The following SCFD2 variants were observed in gnomAD, a reference collection of about 807,000 sequenced individuals.
SCFD2 encodes the protein sec1 family domain containing 2.
A neutral mutation model predicts 58.9 loss-of-function variants in SCFD2; 54 were observed. The ratio of observed to expected loss-of-function variants is 0.92; its 90% CI spans 0.74 to 1.15. SCFD2 has a LOEUF of 1.15. SCFD2 is among the 50% of genes most tolerant of loss of function. The probability of loss-of-function intolerance (pLI) is 0.00; values close to 1 mark genes in which losing one functional copy is unlikely to be tolerated. For missense variants in SCFD2, 805 were observed against 836.6 expected, an observed-to-expected ratio of 0.96 and a Z score of 0.47; for synonymous variants, 321 against 335.9, an observed-to-expected ratio of 0.96 and a Z score of 0.49.
intron 5 of SCFD2, among the ~76,000 whole-genome samples, chr4:52,969,909 A>C (rs997508760): frequency 1.1e-4 from 16 of 152,256 alleles, no homozygotes; most frequent in African/African-American, 3.9e-4. Context: ...CAACATGCAA[A>C]AATGAAAATC....
chr4:53,289,945 T>C (rs1560430224), intron 3 of SCFD2, among the ~76,000 whole-genome samples: 1 of 152,206 alleles, frequency 6.6e-6, no homozygotes, highest in African/African-American at 2.4e-5. Context: ...ATTATAAATA[T>C]ATACGCACCC....
chr4:53,044,948 G>C (rs1229687928), intron 5 of SCFD2, among the ~76,000 whole-genome samples: 2 of 138,912 alleles, frequency 1.4e-5, no homozygotes, highest in Non-Finnish European at 3.0e-5. Context: ...TGAGTCTGGG[G>C]TGAGCCGTGG....
chr4:53,253,884 T>A (rs1730496175), intron 4 of SCFD2, among the ~76,000 whole-genome samples: 2 of 139,606 alleles, frequency 1.4e-5, no homozygotes, highest in African/African-American at 2.7e-5. Flanking sequence ...AAACTTAAAG[T>A]ATAATTATAA....
intron 5 of SCFD2, among the ~76,000 whole-genome samples, chr4:53,012,771 C>T (rs1375455760): frequency 4.0e-5 from 6 of 150,966 alleles, no homozygotes; most frequent in Non-Finnish European, 8.8e-5. Flanking sequence ...ATTAATTTTG[C>T]TCAGATTCTT....
intron 5 of SCFD2, among the ~76,000 whole-genome samples, chr4:52,928,519 T>C (rs1325469725): frequency 6.6e-6 from 1 of 151,852 alleles, no homozygotes; most frequent in African/African-American, 2.4e-5. Flanking sequence ...ACTATCTAGG[T>C]GAGGTCACAA....
chr4:53,319,122 A>C (rs1168193702), intron 2 of SCFD2, among the ~76,000 whole-genome samples: 3 of 152,242 alleles, frequency 2.0e-5, no homozygotes, highest in Non-Finnish European at 4.4e-5. Context: ...TTTTCTTTTC[A>C]AATCCATAAT....
At chr4:53,283,860 G>A (rs1205568768) in intron 3 of SCFD2, among the ~76,000 whole-genome samples, 1 of 152,068 alleles carries the variant, frequency 6.6e-6, no homozygotes, top group Non-Finnish European at 1.5e-5. Context: ...TCTCACGCAT[G>A]TAATCCCAGC....
intron 5 of SCFD2, among the ~76,000 whole-genome samples, chr4:53,049,133 C>T (rs549661794): frequency 3.4e-4 from 51 of 152,200 alleles, no homozygotes; most frequent in African/African-American, 1.2e-3. Context: ...AGACTTCACA[C>T]GGTTAATTCC....
chr4:53,279,751 A>T (rs1180590189), intron 3 of SCFD2, among the ~76,000 whole-genome samples: 1 of 152,192 alleles, frequency 6.6e-6, no homozygotes, highest in African/African-American at 2.4e-5. Context: ...TGCATGACTG[A>T]GGAGGGCTCA....
At chr4:53,071,748 A>C (rs1723822800) in intron 5 of SCFD2, among the ~76,000 whole-genome samples, 1 of 152,102 alleles carries the variant, frequency 6.6e-6, no homozygotes, top group South Asian at 2.1e-4. Context: ...AAAATAAAAT[A>C]AAAAATCATT....
chr4:53,195,557 C>T (rs948298256), intron 4 of SCFD2, among the ~76,000 whole-genome samples: 7 of 152,122 alleles, frequency 4.6e-5, no homozygotes, highest in African/African-American at 1.7e-4. Context: ...TTTCACCATG[C>T]CACTTCTCAT....
intron 5 of SCFD2, among the ~76,000 whole-genome samples, chr4:52,983,500 T>C (rs1365557368): frequency 6.6e-6 from 1 of 152,240 alleles, no homozygotes; most frequent in Non-Finnish European, 1.5e-5. Flanking sequence ...AAGATCTAAA[T>C]TAAGCTGCTT....
Position 53,201,141 on chromosome 4 carries a change from A to T in SCFD2, c.1312-55559T>A, listed in dbSNP as rs1221596314. ...TGCACCCATTAATTCGTCATTTAGC[A>T]TTAGGTATAGCTCCTAATGCTATCC... is the stretch of plus-strand genomic sequence containing the variant. On this transcript the variant is annotated intron_variant, in intron 4 of 8. Coordinates refer to ENST00000401642, the MANE Select transcript of SCFD2 (RefSeq NM_152540.4). Among the ~76,000 whole-genome samples, 5 of 152,100 alleles carry T rather than the reference A, an allele frequency of 3.3e-5. No individual in the cohort carries two copies. In the South Asian group the frequency reaches 6.2e-4, roughly 19 times the overall value.
In SCFD2 at chr4:52,893,100, C is replaced by G. The variant is rs150612071; in HGVS notation, c.1843-7234G>C. ...GACTTGTACTCATTTAATCAACAAA[C>G]GTGAACACTGAGATATTTTCCTCTT... On this transcript the variant is annotated intron_variant, in intron 7 of 8. Transcript: ENST00000401642. 2.7e-3 allele frequency among the ~76,000 whole-genome samples: 411 copies of G among 152,280 alleles called. 2 individuals are homozygous for G. Among genetic ancestry groups the G allele is most frequent in the Middle Eastern group, 0.014 (4 of 294 alleles).
At chr4:53,364,068 T>G (rs1161375775) in intron 1 of SCFD2, among the ~76,000 whole-genome samples, 1 of 152,196 alleles carries the variant, frequency 6.6e-6, no homozygotes, top group East Asian at 1.9e-4. Flanking sequence ...GGTTTTATCT[T>G]TTAATCCCCT....
chr4:53,011,730 C>A (rs1560509301), intron 5 of SCFD2, among the ~76,000 whole-genome samples: 1 of 152,206 alleles, frequency 6.6e-6, no homozygotes, highest in Admixed American at 6.5e-5. Flanking sequence ...CTGGAAGACA[C>A]CTCACTGTGA....
At chr4:53,197,322 T>C (rs1355795480) in intron 4 of SCFD2, among the ~76,000 whole-genome samples, 1 of 152,166 alleles carries the variant, frequency 6.6e-6, no homozygotes, top group African/African-American at 2.4e-5. Flanking sequence ...ATCTGTTAGT[T>C]TCTTCTGGTT....
intron 4 of SCFD2, among the ~76,000 whole-genome samples, chr4:53,173,747 T>A (rs961779010): frequency 1.3e-5 from 2 of 152,174 alleles, no homozygotes; most frequent in African/African-American, 4.8e-5. Flanking sequence ...GTACTTCTTT[T>A]ATGCATTTTT....
At chr4:53,224,411 T>TAA (rs1337960575) in intron 4 of SCFD2, among the ~76,000 whole-genome samples, 2 of 151,142 alleles carry the variant, frequency 1.3e-5, no homozygotes, top group Non-Finnish European at 2.9e-5. Context: ...AAAAGAGTCT[T>TAA]ACATTTTCTG....
Sources: allele counts gnomAD v4.1 joint callset (sites outside exome capture counted in the v4.1 genomes callset), GRCh38; gene constraint gnomAD v4.1.1; transcripts MANE v1.5; gene names NCBI Gene and HGNC (gene_info 2026-07-23, HGNC 2026-07-21).